Variants in TERT observed in about 807,000 individuals in gnomAD.
The protein encoded by TERT is telomerase reverse transcriptase, also known as telomerase catalytic subunit.
Under a neutral mutation model 104.0 loss-of-function variants are expected in TERT, and 42 were observed. That is an observed-to-expected ratio of 0.40 (90% CI 0.32 to 0.52). TERT has a LOEUF of 0.52. TERT is among the 20% of genes least tolerant of loss of function. TERT has a pLI of 0.43. For missense variants in TERT, 1,101 were observed against 1,610.3 expected, an observed-to-expected ratio of 0.68 and a Z score of 5.41; for synonymous variants, 781 against 725.6, an observed-to-expected ratio of 1.08 and a Z score of -1.23.
At position 1,261,741 on chromosome 5, in the gene TERT, C is replaced by A. The variant is rs1748246193; in HGVS notation, c.2844-1141G>T. ...TCTTTCACAGCCATCCCCAACACGA[C>A]CTTGGGCTCCGGCTCACCCTGAGCC... On this transcript the variant is annotated intron_variant, in intron 11 of 15. Coordinates refer to ENST00000310581, the MANE Select transcript of TERT (RefSeq NM_198253.3). This position sits in a 1 kb window ranked among gnomAD's most constrained non-coding sequence, Gnocchi z 7.4. 6.6e-6 allele frequency among the ~76,000 whole-genome samples: 1 copy of A among 152,162 alleles called. No homozygotes were observed. Among genetic ancestry groups the A allele is most frequent in the South Asian group, 2.1e-4 (1 of 4,828 alleles).
chr5:1,264,195 G>C (rs1050039155), intron 11 of TERT: 1 of 603,828 alleles, frequency 1.7e-6, no homozygotes, highest in South Asian at 1.9e-5. Context: ...AAATAGCACA[G>C]AAAACTGCTC....
intron 5 of TERT, among the ~76,000 whole-genome samples, chr5:1,279,006 G>A (rs1253060504): frequency 3.3e-5 from 5 of 152,242 alleles, no homozygotes; most frequent in Non-Finnish European, 7.3e-5. Context: ...ACCGGGGCCT[G>A]GTGGCTGAGC....
chr5:1,275,268 G>T (rs964200218), intron 6 of TERT, among the ~76,000 whole-genome samples: 1 of 151,898 alleles, frequency 6.6e-6, no homozygotes, highest in African/African-American at 2.4e-5. Context: ...CAGCTACTTG[G>T]GAGGCTGAGG....
At chr5:1,284,360 C>T (rs1426444544) in intron 2 of TERT, among the ~76,000 whole-genome samples, 2 of 103,348 alleles carry the variant, frequency 1.9e-5, no homozygotes, top group East Asian at 6.6e-4. Context: ...GGACTCCATA[C>T]CTCCAGCTCA....
At chr5:1,284,047 G>A (rs1420223489) in intron 2 of TERT, among the ~76,000 whole-genome samples, 90 of 143,354 alleles carry the variant, frequency 6.3e-4, no homozygotes, top group South Asian at 2.3e-4. Context: ...TGCACCATCC[G>A]GATACAGCAC....
chr5:1,254,758 C>T lies in TERT; in HGVS notation c.3158-253G>A, dbSNP rs34321948. On this transcript the variant is annotated intron_variant, in intron 14 of 15. Transcript: ENST00000310581. ...GGTTCGACATGGCTTGAATTTCAGA[C>T]GGATCAGAAACCTCCCTGATGCTGG... 7.9e-3 allele frequency among the ~76,000 whole-genome samples: 1,204 copies of T among 152,314 alleles called. 15 individuals are homozygous for T. The highest frequency in any genetic ancestry group is 0.027 in the African/African-American group (1,120 of 41,570).
Position 1,294,636 on chromosome 5 carries a change from C to T in TERT, c.250G>A (p.Val84Met), listed in dbSNP as rs867069017. 1 of 1,596,156 alleles carries T rather than the reference C, an allele frequency of 6.3e-7. No individual in the cohort carries two copies. Among genetic ancestry groups the T allele is most frequent in the Non-Finnish European group, 8.5e-7 (1 of 1,178,976 alleles). The change falls in exon 2 of 16, where the codon GTG (valine) becomes ATG (methionine). Residue 84 changes from valine to methionine, a missense_variant. Transcript: ENST00000310581. ...VSCLKELVAR[V>M]LQRLCERGAK... The stretch of plus-strand genomic sequence containing the variant: ...CCGCGCTCGCACAGCCTCTGCAGCA[C>T]TCGGGCCACCAGCTCCTTCAGGCAG...
chr5:1,261,296 C>A lies in TERT; in HGVS notation c.2844-696G>T, dbSNP rs1334021625. 2.0e-5 allele frequency among the ~76,000 whole-genome samples: 3 copies of A among 152,168 alleles called. No homozygotes were observed. Among genetic ancestry groups the A allele is most frequent in the African/African-American group, 7.2e-5 (3 of 41,438 alleles). On this transcript the variant is annotated intron_variant, in intron 11 of 15. Coordinates refer to ENST00000310581, the MANE Select transcript of TERT (RefSeq NM_198253.3). This position sits in a 1 kb window ranked among gnomAD's most constrained non-coding sequence, Gnocchi z 7.4. ...TGCCATTAAACATTCTTCAAAAATT[C>A]TTTGAAAAATGTTTAATGGCAGAGC...
At chr5:1,253,908 G>T in intron 15 of TERT, 77 bp from the exon 16 acceptor site, 2 of 1,476,180 alleles carry the variant, frequency 1.4e-6, no homozygotes. Flanking sequence ...ACGTGTGGGT[G>T]GCCGGGCAGG....
rs1747928809 is a variant in TERT at position 1,258,605 on chromosome 5, C to A, written c.3025G>T (p.Ala1009Ser). Residue 1009 changes from alanine (A) to serine (S), a missense_variant, in exon 13 of 16, where the codon GCG becomes TCG. By Grantham distance (99) the Ala-to-Ser change is moderately conservative. Around this residue, in one of 5 missense-constraint regions of TERT, gnomAD observed 463 missense variants for 797.5 expected, o/e 0.58. Transcript: ENST00000310581. ...TNIYKILLLQ[A>S]YRFHACVLQL... ...CCCTTGGTGGCGGCTCACCTGTACG[C>A]CTGCAGCAGGAGGATCTTGTAGATG... 2 of 1,568,594 alleles carry A rather than the reference C, an allele frequency of 1.3e-6. No homozygotes were observed. Among genetic ancestry groups the A allele is most frequent in the African/African-American group, 1.3e-5 (1 of 74,162 alleles).
chr5:1,276,033 C>T (rs1301582804), intron 6 of TERT, among the ~76,000 whole-genome samples: 3 of 136,342 alleles, frequency 2.2e-5, no homozygotes. Context: ...ACCAATCCCA[C>T]AGATCCCCAC....
chr5:1,278,233 T>C (rs1289840435), intron 6 of TERT, among the ~76,000 whole-genome samples: 6 of 152,028 alleles, frequency 3.9e-5, no homozygotes, highest in African/African-American at 1.4e-4. Flanking sequence ...GTGAGGACAA[T>C]GGTGCGGACC....
chr5:1,266,455 G>T lies in TERT; in HGVS notation c.2654+9C>A. The T allele has an allele frequency of 6.2e-7, 1 of 1,604,382 alleles. No individual in the cohort carries two copies. Among genetic ancestry groups the T allele is most frequent in the Non-Finnish European group, 8.5e-7 (1 of 1,175,292 alleles). The stretch of plus-strand genomic sequence containing the variant: ...GGAGGTCCCCACAGACACACGGCAC[G>T]GGCCTCACCTGAGGAAGGTTTTCGC... On this transcript the variant is annotated intron_variant, in intron 10 of 15. Transcript: ENST00000310581.
intron 7 of TERT, 150 bp downstream of exon 7, chr5:1,272,035 A>T: frequency 1.3e-6 from 1 of 752,186 alleles, no homozygotes; most frequent in African/African-American, 1.7e-5. Flanking sequence ...GATTTCGCCA[A>T]GGCACACAGC....
Position 1,289,294 on chromosome 5 carries a change from G to A in TERT, c.1573+4019C>T, listed in dbSNP as rs530118337. ...ACACCTGAGAGGGACACCCAGGGAC[G>A]GCGCCTCACTCACCCTACACGTGAC... On this transcript the variant is annotated intron_variant, in intron 2 of 15. Coordinates refer to ENST00000310581, the MANE Select transcript of TERT (RefSeq NM_198253.3). 6.6e-4 allele frequency among the ~76,000 whole-genome samples: 87 copies of A among 131,440 alleles called. 2 individuals are homozygous for A. The highest frequency in any genetic ancestry group is 4.3e-3 in the Admixed American group (57 of 13,280). 86.2% of individuals were successfully genotyped at this position (131,440 alleles called of 152,430 possible).
At position 1,262,558 on chromosome 5, in the gene TERT, C is replaced by T. The variant is rs1301731107; in HGVS notation, c.2843+1846G>A. Among the ~76,000 whole-genome samples the T allele has an allele frequency of 6.6e-6, 1 of 152,240 alleles. No individual in the cohort carries two copies. The highest frequency in any genetic ancestry group is 2.4e-5 in the African/African-American group (1 of 41,458). On this transcript the variant is annotated intron_variant, in intron 11 of 15. Transcript: ENST00000310581. The surrounding 1 kb of genome is among the most constrained non-coding windows in gnomAD (Gnocchi z 5.6). ...AGTTCACCCTGAGTATGGCGAACCA[C>T]TGCCTCCACTGCTGAGCTTTTAGAG...
In TERT at chr5:1,294,864, C is replaced by T; in HGVS notation, c.126G>A (p.Gly42=). ...GPQGWRLVQR[G]DPAAFRALVA... is the part of the protein sequence containing the mutation. ...CCAGCGCGCGGAAAGCCGCCGGGTC[C>T]CCGCGCTGCACCAGCCGCCAGCCCT... Residue 42 remains glycine, a synonymous_variant, in exon 1 of 16, where the codon GGG becomes GGA. Transcript: ENST00000310581. 2 of 1,457,246 alleles carry T rather than the reference C, an allele frequency of 1.4e-6. No individual in the cohort carries two copies. Among genetic ancestry groups the T allele is most frequent in the Non-Finnish European group, 1.8e-6 (2 of 1,113,048 alleles). 90.3% of individuals were successfully genotyped at this position (1,457,246 alleles called of 1,614,324 possible).
chr5:1,274,702 T>G lies in TERT; in HGVS notation c.2287-2422A>C, dbSNP rs1198125483. Among the ~76,000 whole-genome samples, 2 of 152,170 alleles carry G rather than the reference T, an allele frequency of 1.3e-5. No individual in the cohort carries two copies. The highest frequency in any genetic ancestry group is 4.8e-5 in the African/African-American group (2 of 41,454). ...CCCCACACCCCACCTAGCCTCCCGC[T>G]GTGCGCCGGGTTCCTAACAGGCCCC... is the stretch of plus-strand genomic sequence containing the variant. On this transcript the variant is annotated intron_variant, in intron 6 of 15. Coordinates refer to ENST00000310581, the MANE Select transcript of TERT (RefSeq NM_198253.3). This position sits in a 1 kb window ranked among gnomAD's most constrained non-coding sequence, Gnocchi z 5.3.
In TERT at chr5:1,257,845, G is replaced by C. The variant is rs1239697667; in HGVS notation, c.3032+753C>G. On this transcript the variant is annotated intron_variant, in intron 13 of 15. Coordinates refer to ENST00000310581, the MANE Select transcript of TERT (RefSeq NM_198253.3). This position sits in a 1 kb window ranked among gnomAD's most constrained non-coding sequence, Gnocchi z 5.6. ...TCACACTCCTTCTCAGCCCTCATGG[G>C]GCGAGGGCTTCGGCCTCCTGGCATT... 6.6e-6 allele frequency among the ~76,000 whole-genome samples: 1 copy of C among 152,216 alleles called. No homozygotes were observed. Among genetic ancestry groups the C allele is most frequent in the Non-Finnish European group, 1.5e-5 (1 of 68,038 alleles).
Sources: gnomAD v4.1 joint callset for allele counts (sites outside exome capture counted in the v4.1 genomes callset) on GRCh38, gnomAD v4.1.1 for gene constraint, gnomAD v4.1.1 regional missense constraint, Gnocchi (gnomAD v3.1) non-coding constraint, MANE v1.5 for transcripts, NCBI Gene and HGNC (gene_info 2026-07-23, HGNC 2026-07-21) for gene names.